The following CSTF3 variants were observed in gnomAD, a reference collection of about 807,000 sequenced individuals.
The protein encoded by CSTF3 is cleavage stimulation factor subunit 3.
In CSTF3, 29 loss-of-function variants were observed where a neutral mutation model predicts 105.8. The ratio of observed to expected loss-of-function variants is 0.27; its 90% CI spans 0.20 to 0.37. The LOEUF is 0.37. CSTF3 is among the 10% of genes least tolerant of loss of function. The pLI is 1.00. For synonymous variants in CSTF3, 252 were observed against 281.9 expected (o/e 0.89, Z 1.06); for missense variants, 357 against 879.3 (o/e 0.41, Z 7.51).
intron 3 of CSTF3, among the ~76,000 whole-genome samples, chr11:33,127,460 A>G (rs1472555259): frequency 1.3e-5 from 2 of 152,202 alleles, no homozygotes; most frequent in African/African-American, 2.4e-5. Flanking sequence ...TTCATGTAAT[A>G]CCACTGTCTT....
At chr11:33,139,007 T>C (rs1344321545) in intron 3 of CSTF3, among the ~76,000 whole-genome samples, 1 of 151,906 alleles carries the variant, frequency 6.6e-6, no homozygotes, top group African/African-American at 2.4e-5. Flanking sequence ...AAATTTTACA[T>C]AGCTAAATAG....
intron 1 of CSTF3, among the ~76,000 whole-genome samples, chr11:33,154,183 G>A (rs997664477): frequency 6.6e-6 from 1 of 152,134 alleles, no homozygotes; most frequent in Admixed American, 6.5e-5. Flanking sequence ...CAGCCCCACT[G>A]AACAGTTAGG....
chr11:33,124,917 CTTTT>C (rs1159445837), intron 3 of CSTF3, among the ~76,000 whole-genome samples: 2 of 152,102 alleles, frequency 1.3e-5, no homozygotes, highest in Non-Finnish European at 2.9e-5. Flanking sequence ...GGTCATTTAT[CTTTT>C]TGTTTCCAAC....
Position 33,132,942 on chromosome 11 carries a change from A to G in CSTF3, c.225+8725T>C, listed in dbSNP as rs545766635. Among the ~76,000 whole-genome samples the G allele has an allele frequency of 2.0e-5, 3 of 151,420 alleles. No individual in the cohort carries two copies. The South Asian group carries it at 6.2e-4, about 31-fold the overall frequency. On this transcript the variant is annotated intron_variant, in intron 3 of 20. Coordinates refer to ENST00000323959, the MANE Select transcript of CSTF3 (RefSeq NM_001326.3). ...TCCTATATCATACAGTTTATATATA[A>G]TATATATGTAACATACAATATATAT...
At chr11:33,112,382 G>C (rs1381341586) in intron 3 of CSTF3, among the ~76,000 whole-genome samples, 8 of 152,048 alleles carry the variant, frequency 5.3e-5, no homozygotes, top group African/African-American at 1.7e-4. Context: ...CCTATAAAAT[G>C]GGAATGATAA....
intron 17 of CSTF3, among the ~76,000 whole-genome samples, chr11:33,090,134 A>T (rs1470432884): frequency 6.6e-6 from 1 of 152,232 alleles, no homozygotes; most frequent in Non-Finnish European, 1.5e-5. Flanking sequence ...TGCAACAGGA[A>T]CTACATTTGG....
chr11:33,127,273 TA>T (rs933003644), intron 3 of CSTF3, among the ~76,000 whole-genome samples: 55 of 152,290 alleles, frequency 3.6e-4, no homozygotes, highest in African/African-American at 1.3e-3. Context: ...CTGAATGTAC[TA>T]AAAAAACCTG....
At chr11:33,093,073 T>C (rs1244470984) in intron 15 of CSTF3, among the ~76,000 whole-genome samples, 1 of 152,180 alleles carries the variant, frequency 6.6e-6, no homozygotes, top group African/African-American at 2.4e-5. Flanking sequence ...AGTATACAAA[T>C]TATACTTCAA....
In CSTF3 at chr11:33,161,360, C is replaced by T. The variant is rs1315548630; in HGVS notation, c.-35G>A. On this transcript the variant is annotated 5_prime_UTR_variant, in exon 1 of 21. Coordinates refer to ENST00000323959, the MANE Select transcript of CSTF3 (RefSeq NM_001326.3). ...TGATTACAACGTGCGCACTGACCGTCGATGGGAAGCTAGAAAAGAAAAATT... is the reference window on the plus strand; with the variant it reads ...TGATTACAACGTGCGCACTGACCGTTGATGGGAAGCTAGAAAAGAAAAATT... 3.1e-6 allele frequency: 5 copies of T among 1,610,440 alleles called. No individual in the cohort carries two copies. The highest frequency in any genetic ancestry group is 4.2e-6 in the Non-Finnish European group (5 of 1,179,564).
intron 4 of CSTF3, 58 bp downstream of exon 4, chr11:33,108,328 T>G (rs535699277): frequency 7.4e-7 from 1 of 1,351,690 alleles, no homozygotes; most frequent in African/African-American, 1.5e-5. Flanking sequence ...ATCTGTCTTA[T>G]ACATACTAGG....
At chr11:33,153,871 C>T (rs1994367) in intron 1 of CSTF3, among the ~76,000 whole-genome samples, 84,399 of 151,720 alleles carry the variant, frequency 0.56, 26,070 homozygotes, top group Non-Finnish European at 0.69. Flanking sequence ...AGATGGTAGA[C>T]TGAAAGATTT....
intron 3 of CSTF3, among the ~76,000 whole-genome samples, chr11:33,126,236 G>A (rs1855541111): frequency 6.6e-6 from 1 of 152,130 alleles, no homozygotes; most frequent in Non-Finnish European, 1.5e-5. Context: ...GAGGCGGGAG[G>A]ATTGCTTGAG....
At chr11:33,156,054 T>C (rs1285948970) in intron 1 of CSTF3, among the ~76,000 whole-genome samples, 1 of 152,154 alleles carries the variant, frequency 6.6e-6, no homozygotes, top group African/African-American at 2.4e-5. Flanking sequence ...AAAAACCCAA[T>C]TCTCATTCTT....
intron 3 of CSTF3, among the ~76,000 whole-genome samples, chr11:33,129,205 C>A (rs1318623006): frequency 6.6e-6 from 1 of 152,146 alleles, no homozygotes; most frequent in African/African-American, 2.4e-5. Context: ...AATTCTCCTG[C>A]CTCAGCTTCC....
chr11:33,118,149 G>A (rs1429815422), intron 3 of CSTF3, among the ~76,000 whole-genome samples: 1 of 150,996 alleles, frequency 6.6e-6, no homozygotes, highest in African/African-American at 2.4e-5. Context: ...TCTCTTCGGA[G>A]TAATTCATTG....
At chr11:33,089,785 T>G (rs796359960) in intron 17 of CSTF3, among the ~76,000 whole-genome samples, 2 of 152,222 alleles carry the variant, frequency 1.3e-5, no homozygotes, top group African/African-American at 4.8e-5. Flanking sequence ...CTAATGGTGG[T>G]TGGCTTAAAG....
chr11:33,112,039 A>C (rs1183229850), intron 3 of CSTF3, among the ~76,000 whole-genome samples: 3 of 152,152 alleles, frequency 2.0e-5, no homozygotes, highest in Non-Finnish European at 4.4e-5. Flanking sequence ...AGATCACCTG[A>C]AGTCAGGAAT....
chr11:33,146,783 A>G (rs1815297417), intron 1 of CSTF3, among the ~76,000 whole-genome samples: 1 of 152,054 alleles, frequency 6.6e-6, no homozygotes, highest in South Asian at 2.1e-4. Context: ...AGTGCCTAGT[A>G]TGTGTCAGAC....
At chr11:33,122,727 C>A (rs549705708) in intron 3 of CSTF3, among the ~76,000 whole-genome samples, 1 of 151,824 alleles carries the variant, frequency 6.6e-6, no homozygotes, top group Non-Finnish European at 1.5e-5. Flanking sequence ...CCAGCCTGAG[C>A]AACAGAGCAA....
Sources: gnomAD v4.1 joint callset for allele counts (sites outside exome capture counted in the v4.1 genomes callset) on GRCh38, gnomAD v4.1.1 for gene constraint, MANE v1.5 for transcripts, NCBI Gene and HGNC (gene_info 2026-07-23, HGNC 2026-07-21) for gene names.